Variants in MACROD2 observed in about 807,000 individuals in gnomAD.
The protein encoded by MACROD2 is ADP-ribose glycohydrolase MACROD2.
Under a neutral mutation model 70.4 loss-of-function variants are expected in MACROD2, and 36 were observed. The observed-to-expected ratio is 0.51, with a 90% CI of 0.39 to 0.68. The LOEUF is 0.68. MACROD2 is among the 30% of genes least tolerant of loss of function. The pLI is 0.00. For synonymous variants in MACROD2, 172 were observed against 178.8 expected (o/e 0.96, Z 0.30); for missense variants, 496 against 538.4 (o/e 0.92, Z 0.78).
At chr20:15,568,598 T>C (rs759038073) in intron 8 of MACROD2, among the ~76,000 whole-genome samples, 2 of 152,224 alleles carry the variant, frequency 1.3e-5, no homozygotes, top group Non-Finnish European at 2.9e-5. Flanking sequence ...TCAGAAGTGA[T>C]GCATATTACT....
At chr20:14,472,162 G>A (rs1308091283) in intron 3 of MACROD2, among the ~76,000 whole-genome samples, 1 of 152,086 alleles carries the variant, frequency 6.6e-6, no homozygotes, top group South Asian at 2.1e-4. Flanking sequence ...TCTTCTGTGT[G>A]TAATAATCTA....
chr20:14,610,970 T>C (rs1983123080), intron 4 of MACROD2, among the ~76,000 whole-genome samples: 1 of 152,170 alleles, frequency 6.6e-6, no homozygotes, highest in Non-Finnish European at 1.5e-5. Flanking sequence ...ACAAACGTTT[T>C]TGGTAAGTCT....
At position 15,538,879 on chromosome 20, in the gene MACROD2, T is replaced by G. The variant is rs1600556420; in HGVS notation, c.645+39032T>G. On this transcript the variant is annotated intron_variant, in intron 8 of 17. Transcript: ENST00000684519. ...GATAGCAATGGATTAAATGGGTATT[T>G]GCTACTCTACTGCTTTTTTTTGAGC... Among the ~76,000 whole-genome samples, 4 of 152,224 alleles carry G rather than the reference T, an allele frequency of 2.6e-5. No homozygotes were observed. In the South Asian group the frequency reaches 8.3e-4, roughly 32 times the overall value.
At chr20:15,208,359 T>G (rs1291899860) in intron 5 of MACROD2, among the ~76,000 whole-genome samples, 3 of 152,212 alleles carry the variant, frequency 2.0e-5, no homozygotes, top group Admixed American at 2.0e-4. Context: ...GGAGCATTTT[T>G]AAAAATGATG....
At chr20:14,091,233 G>A (rs1257907170) in intron 3 of MACROD2, among the ~76,000 whole-genome samples, 3 of 152,078 alleles carry the variant, frequency 2.0e-5, no homozygotes, top group Non-Finnish European at 4.4e-5. Flanking sequence ...CTGGGCAGAA[G>A]TTTTTTAGTT....
At chr20:15,443,317 G>C (rs1042161524) in intron 7 of MACROD2, among the ~76,000 whole-genome samples, 1 of 151,438 alleles carries the variant, frequency 6.6e-6, no homozygotes, top group South Asian at 2.1e-4. Context: ...GAGAAAGAGA[G>C]AGAAAATGAT....
intron 4 of MACROD2, among the ~76,000 whole-genome samples, chr20:14,601,702 G>A (rs1404903065): frequency 2.0e-5 from 3 of 152,058 alleles, no homozygotes; most frequent in Non-Finnish European, 4.4e-5. Context: ...CCTCAGGGCC[G>A]TGAAAGTCAT....
At chr20:14,377,931 T>C (rs2083387479) in intron 3 of MACROD2, among the ~76,000 whole-genome samples, 1 of 152,218 alleles carries the variant, frequency 6.6e-6, no homozygotes, top group African/African-American at 2.4e-5. Context: ...ATAGAATTTC[T>C]TTGTTTTCCA....
chr20:14,468,313 A>G (rs905619430), intron 3 of MACROD2, among the ~76,000 whole-genome samples: 1 of 151,734 alleles, frequency 6.6e-6, no homozygotes. Flanking sequence ...GTGCATATAT[A>G]TTTAGGATAG....
chr20:15,384,708 A>G (rs2045689590), intron 6 of MACROD2, among the ~76,000 whole-genome samples: 1 of 152,218 alleles, frequency 6.6e-6, no homozygotes, highest in South Asian at 2.1e-4. Flanking sequence ...CTATCTTTCA[A>G]ATAATAACCA....
intron 12 of MACROD2, among the ~76,000 whole-genome samples, chr20:15,944,593 A>G (rs892783763): frequency 5.3e-5 from 8 of 152,050 alleles, no homozygotes; most frequent in Non-Finnish European, 1.0e-4. Flanking sequence ...CTGTGGTTTC[A>G]GTTTTAAATT....
intron 5 of MACROD2, among the ~76,000 whole-genome samples, chr20:15,031,664 C>T (rs1162908417): frequency 6.6e-6 from 1 of 152,136 alleles, no homozygotes; most frequent in Non-Finnish European, 1.5e-5. Context: ...GCTGTTAGTA[C>T]CGTCTGTGTT....
chr20:14,890,999 C>T (rs1600775950), intron 5 of MACROD2, among the ~76,000 whole-genome samples: 1 of 147,226 alleles, frequency 6.8e-6, no homozygotes, highest in Non-Finnish European at 1.5e-5. Flanking sequence ...TCCTCCCTCC[C>T]TCCCTCCCTT....
chr20:15,554,795 C>A (rs146859304), intron 8 of MACROD2, among the ~76,000 whole-genome samples: 1 of 152,028 alleles, frequency 6.6e-6, no homozygotes, highest in Non-Finnish European at 1.5e-5. Flanking sequence ...AAATTCTGAA[C>A]GCTGAATAAA....
Position 14,993,894 on chromosome 20 carries a change from A to G in MACROD2, c.419-236046A>G, listed in dbSNP as rs149271792. ...TGCCTTATTTAGGAATCCAGCATAC[A>G]CTTAAGAGATTTTTTTTAAAGTTGG... On this transcript the variant is annotated intron_variant, in intron 5 of 17. Coordinates refer to ENST00000684519, the MANE Select transcript of MACROD2 (RefSeq NM_001351661.2). 7.2e-5 allele frequency among the ~76,000 whole-genome samples: 11 copies of G among 152,330 alleles called. No homozygotes were observed. In the South Asian group the frequency reaches 1.7e-3, roughly 23 times the overall value.
intron 8 of MACROD2, among the ~76,000 whole-genome samples, chr20:15,612,178 A>G (rs2048979127): frequency 6.6e-6 from 1 of 152,142 alleles, no homozygotes; most frequent in Non-Finnish European, 1.5e-5. Context: ...GTCTTGTTTC[A>G]AATTATAGAA....
intron 6 of MACROD2, among the ~76,000 whole-genome samples, chr20:15,381,740 T>TG (rs1370771046): frequency 6.6e-6 from 1 of 152,124 alleles, no homozygotes; most frequent in Non-Finnish European, 1.5e-5. Flanking sequence ...AAGGCTTTAG[T>TG]GACTTACCAG....
chr20:15,626,953 G>A (rs17622468), intron 8 of MACROD2, among the ~76,000 whole-genome samples: 16,316 of 152,072 alleles, frequency 0.11, 1,070 homozygotes, highest in Non-Finnish European at 0.14. Context: ...GAATTCTAAA[G>A]CATGAGAGAG....
intron 4 of MACROD2, among the ~76,000 whole-genome samples, chr20:14,496,995 A>G (rs1393444156): frequency 1.3e-5 from 2 of 151,760 alleles, no homozygotes; most frequent in Non-Finnish European, 2.9e-5. Context: ...GAATGAGAAG[A>G]CAGCGTTCTT....
Sources: gnomAD v4.1 joint callset for allele counts (sites outside exome capture counted in the v4.1 genomes callset) on GRCh38, gnomAD v4.1.1 for gene constraint, MANE v1.5 for transcripts, NCBI Gene and HGNC (gene_info 2026-07-23, HGNC 2026-07-21) for gene names.